Variants in SPTBN1 observed in about 807,000 individuals in gnomAD.
SPTBN1 encodes spectrin beta, non-erythrocytic 1, also known as spectrin beta chain, non-erythrocytic 1.
SPTBN1 carries 32 observed loss-of-function variants against 266.4 expected under a neutral mutation model. The ratio of observed to expected loss-of-function variants is 0.12; its 90% confidence interval spans 0.09 to 0.16. The LOEUF is 0.16. Ranked by LOEUF, SPTBN1 falls within the 10% of genes least tolerant of loss-of-function variation. The pLI is 1.00. For missense variants in SPTBN1, 2,296 were observed against 3,067.1 expected (o/e 0.75, Z 5.94); for synonymous variants, 1,336 against 1,162.2 (o/e 1.15, Z -3.04).
Position 54,645,187 on chromosome 2 carries a change from G to A in SPTBN1, c.4270-42G>A. On this transcript the variant is annotated intron_variant, in intron 20 of 35. Transcript: ENST00000356805. The surrounding 1 kb of genome is among the most constrained non-coding windows in gnomAD (Gnocchi z 4.3). ...CTGCTTAGAGCCAGTCACTGCAAAA[G>A]ATAGTCTGTGCTGAGCGCTGAGGCT... 6 of 1,609,128 alleles carry A rather than the reference G, an allele frequency of 3.7e-6. No individual in the cohort carries two copies. The highest frequency in any genetic ancestry group is 2.2e-5 in the South Asian group (2 of 90,800).
intron 30 of SPTBN1, among the ~76,000 whole-genome samples, chr2:54,658,580 G>T (rs963748138): frequency 1.3e-5 from 2 of 152,150 alleles, no homozygotes; most frequent in Non-Finnish European, 2.9e-5. Flanking sequence ...TACAAAAATG[G>T]TGTTTCTGGT....
At position 54,646,509 on chromosome 2, in the gene SPTBN1, A is replaced by G; in HGVS notation, c.4866+34A>G. ...AGGCGGGAAGCATCCCTGTCCCAGG[A>G]GAGCCTCAGATTCAAACCCTGGGCA... On this transcript the variant is annotated intron_variant, in intron 23 of 35. Transcript: ENST00000356805. The surrounding 1 kb of genome is among the most constrained non-coding windows in gnomAD (Gnocchi z 4.4). 1 of 1,462,796 alleles carries G rather than the reference A, an allele frequency of 6.8e-7. No individual in the cohort carries two copies. Among genetic ancestry groups the G allele is most frequent in the Non-Finnish European group, 9.0e-7 (1 of 1,107,548 alleles). 90.6% of individuals were successfully genotyped at this position (1,462,796 alleles called of 1,614,324 possible).
At chr2:54,650,561 T>C (rs1157703416) in intron 26 of SPTBN1, among the ~76,000 whole-genome samples, 2 of 152,190 alleles carry the variant, frequency 1.3e-5, no homozygotes, top group African/African-American at 4.8e-5. Flanking sequence ...GAAAAACAAA[T>C]TGTATTTTTT....
intron 17 of SPTBN1, among the ~76,000 whole-genome samples, chr2:54,635,023 G>T (rs915403331): frequency 3.3e-5 from 5 of 152,212 alleles, no homozygotes; most frequent in Middle Eastern, 3.2e-3. Context: ...CCGGAAAACA[G>T]GCTCAGAAGT....
chr2:54,561,284 A>G (rs1673281047), intron 2 of SPTBN1, among the ~76,000 whole-genome samples: 1 of 152,176 alleles, frequency 6.6e-6, no homozygotes. Flanking sequence ...AGCTGGGACT[A>G]TACCATGTCT....
At chr2:54,547,340 A>G (rs1385994607) in intron 2 of SPTBN1, among the ~76,000 whole-genome samples, 2 of 152,208 alleles carry the variant, frequency 1.3e-5, no homozygotes, top group African/African-American at 4.8e-5. Flanking sequence ...TGTATATGCC[A>G]CATTTTGTTT....
rs950827241 is a variant in SPTBN1 at position 54,622,338 on chromosome 2, A to G, written c.915A>G (p.Glu305=). 1.2e-6 allele frequency: 2 copies of G among 1,614,148 alleles called. No homozygotes were observed. The highest frequency in any genetic ancestry group is 1.7e-6 in the Non-Finnish European group (2 of 1,180,010). The change falls in exon 9 of 36, where the codon GAA becomes GAG. Residue 305 remains glutamate, a synonymous_variant. Transcript: ENST00000356805. The part of the protein sequence containing the change: ...DNAIETEKMI[E]KYESLASDLL... Reference sequence around the variant, plus strand: ...CTATTGAAACAGAAAAAATGATTGAAAAGTATGAATCACTTGCCTCTGACC... The same window carrying G: ...CTATTGAAACAGAAAAAATGATTGAGAAGTATGAATCACTTGCCTCTGACC...
chr2:54,594,258 G>A (rs58710624), intron 2 of SPTBN1, among the ~76,000 whole-genome samples: 1 of 151,910 alleles, frequency 6.6e-6, no homozygotes, highest in Admixed American at 6.6e-5. Flanking sequence ...TTGATTATAA[G>A]TGCAGTTAGC....
chr2:54,618,245 G>C (rs752716681), intron 7 of SPTBN1, 52 bp downstream of exon 7: 11 of 1,422,772 alleles, frequency 7.7e-6, no homozygotes, highest in Non-Finnish European at 1.1e-5. Flanking sequence ...TACCATCCAG[G>C]TGTTAATGTA....
intron 2 of SPTBN1, among the ~76,000 whole-genome samples, chr2:54,531,536 G>C (rs761749689): frequency 6.6e-6 from 1 of 151,978 alleles, no homozygotes; most frequent in Non-Finnish European, 1.5e-5. Context: ...TGATCCTCCT[G>C]CCTCAGCCTC....
At chr2:54,521,314 T>C (rs1335020760) in intron 1 of SPTBN1, among the ~76,000 whole-genome samples, 2 of 152,192 alleles carry the variant, frequency 1.3e-5, no homozygotes, top group Non-Finnish European at 2.9e-5. Flanking sequence ...GACCTTTCCA[T>C]GATGGCTATG....
chr2:54,511,987 C>G (rs1303254267), intron 1 of SPTBN1, among the ~76,000 whole-genome samples: 1 of 152,156 alleles, frequency 6.6e-6, no homozygotes, highest in Non-Finnish European at 1.5e-5. Flanking sequence ...AAGACAGTGA[C>G]AGATCGTCTG....
At chr2:54,493,086 A>G (rs1347891204) in intron 1 of SPTBN1, among the ~76,000 whole-genome samples, 1 of 148,114 alleles carries the variant, frequency 6.8e-6, no homozygotes, top group Non-Finnish European at 1.5e-5. Flanking sequence ...GCTCACTGCA[A>G]CCTCCGCTTC....
chr2:54,483,782 T>A (rs1000739221), intron 1 of SPTBN1, among the ~76,000 whole-genome samples: 6 of 152,222 alleles, frequency 3.9e-5, no homozygotes, highest in African/African-American at 1.4e-4. Context: ...GAGTTTCTCC[T>A]GTTTTGTCAT....
chr2:54,662,011 A>T, intron 32 of SPTBN1: 1 of 985,454 alleles, frequency 1.0e-6, no homozygotes, highest in Non-Finnish European at 1.2e-6. Context: ...GAACTTGAAA[A>T]TAGCATTGCT....
intron 1 of SPTBN1, among the ~76,000 whole-genome samples, chr2:54,508,188 A>G (rs190875930): frequency 3.0e-4 from 46 of 152,292 alleles, no homozygotes; most frequent in Non-Finnish European, 5.3e-4. Context: ...CGGACTGTAT[A>G]GAGGTGAGAA....
At chr2:54,487,723 G>T (rs545024190) in intron 1 of SPTBN1, among the ~76,000 whole-genome samples, 3 of 150,702 alleles carry the variant, frequency 2.0e-5, no homozygotes, top group South Asian at 2.1e-4. Context: ...TTAGGATGTC[G>T]CAGTATCTTT....
intron 2 of SPTBN1, among the ~76,000 whole-genome samples, chr2:54,547,279 T>C (rs1480475843): frequency 1.3e-5 from 2 of 152,372 alleles, no homozygotes; most frequent in East Asian, 3.9e-4. Context: ...GCTTCATCCA[T>C]GTTATAGCAT....
intron 32 of SPTBN1, chr2:54,663,683 G>A (rs1030767376): frequency 1.3e-5 from 2 of 152,318 alleles, no homozygotes; most frequent in Non-Finnish European, 2.9e-5. Context: ...TTCTGTCTTT[G>A]TTTGGGGGTA....
Sources: allele counts gnomAD v4.1 joint callset (sites outside exome capture counted in the v4.1 genomes callset), GRCh38; gene constraint gnomAD v4.1.1; non-coding constraint Gnocchi (gnomAD v3.1); transcripts MANE v1.5; gene names NCBI Gene and HGNC (gene_info 2026-07-23, HGNC 2026-07-21).